Variants in LRRIQ1 observed in about 807,000 individuals in gnomAD.
LRRIQ1 encodes the protein leucine rich repeats and IQ motif containing 1.
A neutral mutation model predicts 211.9 loss-of-function variants in LRRIQ1; 210 were observed. The observed-to-expected ratio is 0.99, with a 90% CI of 0.89 to 1.11. LRRIQ1 has a LOEUF of 1.11. Among genes scored for constraint, LRRIQ1 ranks in the 50% most tolerant of loss-of-function variants. LRRIQ1 has a pLI of 0.00. For synonymous variants in LRRIQ1, 699 were observed against 650.1 expected (o/e 1.08, Z -1.14); for missense variants, 2,136 against 1,939.5 (o/e 1.10, Z -1.90).
At chr12:85,217,325 T>C (rs1180583469) in intron 24 of LRRIQ1, among the ~76,000 whole-genome samples, 3 of 150,816 alleles carry the variant, frequency 2.0e-5, no homozygotes, top group African/African-American at 4.9e-5. Context: ...CATACACTTA[T>C]TGGTTTCTTT....
chr12:85,131,183 A>G (rs913216365), intron 18 of LRRIQ1, among the ~76,000 whole-genome samples: 2 of 151,688 alleles, frequency 1.3e-5, no homozygotes, highest in Non-Finnish European at 2.9e-5. Flanking sequence ...ACTGCACTCC[A>G]GCCTGGGCAA....
intron 7 of LRRIQ1, among the ~76,000 whole-genome samples, chr12:85,054,185 A>G (rs961697388): frequency 3.3e-5 from 5 of 152,206 alleles, no homozygotes; most frequent in African/African-American, 7.2e-5. Context: ...AAGATATGAC[A>G]GTACATAAAA....
chr12:85,236,036 A>T (rs576525605), intron 26 of LRRIQ1, among the ~76,000 whole-genome samples: 24 of 152,274 alleles, frequency 1.6e-4, no homozygotes, highest in African/African-American at 5.5e-4. Context: ...TACTATAAAG[A>T]TTGGAAAGCT....
chr12:85,055,821 A>C lies in LRRIQ1; in HGVS notation c.1028A>C (p.Gln343Pro), dbSNP rs768552139. The C allele has an allele frequency of 6.3e-7, 1 of 1,591,560 alleles. No individual in the cohort carries two copies. Among genetic ancestry groups the C allele is most frequent in the Non-Finnish European group, 8.6e-7 (1 of 1,168,150 alleles). ...EENRKRLEEE[Q>P]RIKEERKKQK... ...AATCGAAAAAGATTAGAGGAGGAAC[A>C]AAGGATAAAAGAAGAGAGAAAAAAG... Residue 343 changes from glutamine (Q) to proline (P), a missense_variant, in exon 8 of 27, where the codon CAA (glutamine) becomes CCA (proline). By Grantham distance (76) the Gln-to-Pro change is moderately conservative. Transcript: ENST00000393217.
At chr12:85,133,537 G>A (rs7136515) in intron 18 of LRRIQ1, among the ~76,000 whole-genome samples, 42,765 of 152,022 alleles carry the variant, frequency 0.28, 6,138 homozygotes, top group Admixed American at 0.34. Flanking sequence ...AGAAAGCTAT[G>A]AAGGAAGCTG....
chr12:85,092,701 A>G (rs1288822219), intron 11 of LRRIQ1, among the ~76,000 whole-genome samples: 2 of 152,198 alleles, frequency 1.3e-5, no homozygotes, highest in African/African-American at 2.4e-5. Flanking sequence ...TCACATGGAG[A>G]CCAAGCACCC....
At chr12:85,224,035 G>A (rs1407155903) in intron 24 of LRRIQ1, among the ~76,000 whole-genome samples, 1 of 151,818 alleles carries the variant, frequency 6.6e-6, no homozygotes, top group East Asian at 1.9e-4. Context: ...AAAACCATTT[G>A]ACAATATAGA....
chr12:85,272,571 T>G, the LRRIQ1 span, among the ~76,000 whole-genome samples: 2,965 of 152,278 alleles, frequency 0.019, 96 homozygotes, highest in African/African-American at 0.068. Flanking sequence ...GAAATAAATG[T>G]ATTCTTTAAA....
intron 13 of LRRIQ1, among the ~76,000 whole-genome samples, chr12:85,101,800 T>A (rs1886365650): frequency 6.6e-6 from 1 of 151,736 alleles, no homozygotes; most frequent in Admixed American, 6.6e-5. Flanking sequence ...CAAAAAGATT[T>A]TTTCAAAGCG....
At chr12:85,145,300 T>C (rs765470905) in intron 19 of LRRIQ1, among the ~76,000 whole-genome samples, 1 of 151,592 alleles carries the variant, frequency 6.6e-6, no homozygotes, top group Non-Finnish European at 1.5e-5. Flanking sequence ...CATGATAAAT[T>C]AGCCAGGATC....
chr12:85,049,953 T>C (rs1000491320), intron 6 of LRRIQ1, among the ~76,000 whole-genome samples: 5 of 152,236 alleles, frequency 3.3e-5, no homozygotes, highest in African/African-American at 1.2e-4. Flanking sequence ...CTCATTGATA[T>C]CCATTTTAGA....
chr12:85,197,039 AAAG>A (rs1441304596), intron 24 of LRRIQ1, among the ~76,000 whole-genome samples: 2 of 151,576 alleles, frequency 1.3e-5, no homozygotes, highest in African/African-American at 4.8e-5. Context: ...ACACTTCTCA[AAAG>A]AAGACATTTA....
intron 11 of LRRIQ1, among the ~76,000 whole-genome samples, chr12:85,097,130 A>T (rs558270799): frequency 1.3e-5 from 2 of 152,202 alleles, no homozygotes; most frequent in South Asian, 4.2e-4. Context: ...TGTGCCTTTT[A>T]AGGGGGCATT....
At chr12:85,177,027 G>A (rs183643180) in intron 24 of LRRIQ1, among the ~76,000 whole-genome samples, 1 of 152,158 alleles carries the variant, frequency 6.6e-6, no homozygotes, top group African/African-American at 2.4e-5. Flanking sequence ...CGTGATTTTG[G>A]TTAAGTTACT....
chr12:85,055,615 A>G lies in LRRIQ1; in HGVS notation c.822A>G (p.Lys274=). 2 of 1,573,286 alleles carry G rather than the reference A, an allele frequency of 1.3e-6. No homozygotes were observed. The highest frequency in any genetic ancestry group is 1.4e-5 in the African/African-American group (1 of 72,316). Residue 274 remains lysine (K), a synonymous_variant, in exon 8 of 27, where the codon AAA becomes AAG. Transcript: ENST00000393217. The stretch of plus-strand genomic sequence containing the variant: ...CAAGATTTAAAGACCAACAAGAAAA[A>G]GAAAAAAATTCTTTGTTAAAACAGC... ...ERTRFKDQQE[K]EKNSLLKQQN...
intron 15 of LRRIQ1, among the ~76,000 whole-genome samples, chr12:85,118,500 T>TG (rs1565845761): frequency 3.5e-5 from 1 of 28,556 alleles, no homozygotes; most frequent in Non-Finnish European, 6.7e-5. Flanking sequence ...AAAAACTATG[T>TG]TTTTTTTTTT....
chr12:85,250,782 A>T (rs555187000), intron 1 of LRRIQ1, among the ~76,000 whole-genome samples: 52 of 116,558 alleles, frequency 4.5e-4, no homozygotes, highest in Admixed American at 2.8e-3. Context: ...AAATATATAT[A>T]TATTATATTA....
the LRRIQ1 span, among the ~76,000 whole-genome samples, chr12:85,271,836 CA>C: frequency 6.6e-6 from 1 of 151,952 alleles, no homozygotes; most frequent in Non-Finnish European, 1.5e-5. Flanking sequence ...TACCTTTGCC[CA>C]AAATATCTGC....
At chr12:85,063,392 A>T (rs987229934) in intron 8 of LRRIQ1, among the ~76,000 whole-genome samples, 1 of 151,664 alleles carries the variant, frequency 6.6e-6, no homozygotes, top group African/African-American at 2.4e-5. Context: ...ATTTAATCTA[A>T]TTTTTAACTT....
Sources: gnomAD v4.1 joint callset for allele counts (sites outside exome capture counted in the v4.1 genomes callset) on GRCh38, gnomAD v4.1.1 for gene constraint, MANE v1.5 for transcripts, NCBI Gene and HGNC (gene_info 2026-07-23, HGNC 2026-07-21) for gene names.